Variants in CSMD1 observed in about 807,000 individuals in gnomAD.
CSMD1 encodes the protein CUB and Sushi multiple domains 1, also known as CUB and sushi domain-containing protein 1.
Under a neutral mutation model 417.5 loss-of-function variants are expected in CSMD1, and 213 were observed. The ratio of observed to expected loss-of-function variants is 0.51; its 90% CI spans 0.46 to 0.57. CSMD1 has a LOEUF of 0.57. Among genes scored for constraint, CSMD1 ranks in the 20% least tolerant of loss-of-function variants. CSMD1 has a pLI of 0.00. For synonymous variants in CSMD1, 2,862 were observed against 1,736.8 expected (o/e 1.65, Z -16.11); for missense variants, 6,923 against 4,529.7 (o/e 1.53, Z -15.17).
At chr8:3,789,167 C>A (rs536584802) in intron 5 of CSMD1, among the ~76,000 whole-genome samples, 1 of 152,212 alleles carries the variant, frequency 6.6e-6, no homozygotes, top group South Asian at 2.1e-4. Flanking sequence ...CTTCCTTGAC[C>A]TTTCCACTAT....
intron 5 of CSMD1, among the ~76,000 whole-genome samples, chr8:3,837,914 G>A (rs904626789): frequency 6.6e-6 from 1 of 151,996 alleles, no homozygotes; most frequent in Admixed American, 6.6e-5. Flanking sequence ...ATGCACAGAT[G>A]AATATACTGT....
intron 2 of CSMD1, among the ~76,000 whole-genome samples, chr8:4,516,254 C>G (rs1305106904): frequency 1.3e-5 from 2 of 152,124 alleles, no homozygotes; most frequent in African/African-American, 4.8e-5. Context: ...GGGCCTTCTG[C>G]AAGCCAAGGA....
At chr8:3,010,758 T>A (rs947625923) in intron 52 of CSMD1, among the ~76,000 whole-genome samples, 4 of 152,098 alleles carry the variant, frequency 2.6e-5, no homozygotes, top group African/African-American at 9.7e-5. Flanking sequence ...TTTTTTTTTT[T>A]TTTGAGATGA....
At chr8:3,826,943 T>A (rs1384776815) in intron 5 of CSMD1, among the ~76,000 whole-genome samples, 1 of 152,088 alleles carries the variant, frequency 6.6e-6, no homozygotes, top group Non-Finnish European at 1.5e-5. Flanking sequence ...TGTGCCTAGC[T>A]ATTTTTTTAA....
At chr8:3,153,213 C>A (rs544985094) in intron 39 of CSMD1, among the ~76,000 whole-genome samples, 22 of 152,278 alleles carry the variant, frequency 1.4e-4, no homozygotes, top group Non-Finnish European at 2.2e-4. Context: ...AGCACCAAGA[C>A]AGTTTACAAA....
chr8:4,323,852 T>C (rs953603817), intron 3 of CSMD1, among the ~76,000 whole-genome samples: 1 of 152,002 alleles, frequency 6.6e-6, no homozygotes, highest in Non-Finnish European at 1.5e-5. Context: ...GTACTGAGAG[T>C]TTAGCTTAAG....
At chr8:4,448,115 T>G (rs1489565333) in intron 2 of CSMD1, among the ~76,000 whole-genome samples, 1 of 152,216 alleles carries the variant, frequency 6.6e-6, no homozygotes, top group Non-Finnish European at 1.5e-5. Context: ...CTTGATCTCT[T>G]CCTAGTTCTC....
intron 3 of CSMD1, among the ~76,000 whole-genome samples, chr8:4,327,982 A>C (rs567751631): frequency 5.3e-5 from 8 of 152,304 alleles, no homozygotes; most frequent in African/African-American, 1.4e-4. Flanking sequence ...TTGTTTTAAC[A>C]TTTACCAGTA....
At chr8:3,145,075 G>A (rs952395847) in intron 40 of CSMD1, among the ~76,000 whole-genome samples, 1 of 148,798 alleles carries the variant, frequency 6.7e-6, no homozygotes, top group African/African-American at 2.5e-5. Context: ...ATGCATTTGT[G>A]TGTCTGTGTG....
At chr8:4,699,086 A>G (rs1807333439) in intron 1 of CSMD1, among the ~76,000 whole-genome samples, 1 of 152,214 alleles carries the variant, frequency 6.6e-6, no homozygotes, top group Admixed American at 6.5e-5. Context: ...ATGTCCTGCT[A>G]GAGTTTGAGG....
In CSMD1 at chr8:4,137,648, C is replaced by T. The variant is rs533621736; in HGVS notation, c.416-105549G>A. Among the ~76,000 whole-genome samples, 30 of 130,968 alleles carry T rather than the reference C, an allele frequency of 2.3e-4. 7 individuals carry two copies. The highest frequency in any genetic ancestry group is 4.3e-4 in the Non-Finnish European group (24 of 56,336). The allele number at this position is 130,968 out of a possible 152,430, so 85.9% of individuals were successfully genotyped here. On this transcript the variant is annotated intron_variant, in intron 3 of 69. Coordinates refer to ENST00000635120, the MANE Select transcript of CSMD1 (RefSeq NM_033225.6). Reference sequence around the variant, plus strand: ...TTGATCACATTTTTATAAGCAGTTTCAATATAAATTCATACTGAAAGTAAC... The same window carrying T: ...TTGATCACATTTTTATAAGCAGTTTTAATATAAATTCATACTGAAAGTAAC...
intron 5 of CSMD1, among the ~76,000 whole-genome samples, chr8:3,875,642 G>A (rs1240286604): frequency 5.9e-5 from 9 of 152,156 alleles, no homozygotes; most frequent in Admixed American, 5.9e-4. Flanking sequence ...ACAGCCTCCG[G>A]AGCATGGAAG....
chr8:2,999,727 A>C (rs181947786), intron 53 of CSMD1, among the ~76,000 whole-genome samples: 1,644 of 151,960 alleles, frequency 0.011, 14 homozygotes, highest in Non-Finnish European at 0.018. Flanking sequence ...TAAGCAAATT[A>C]AATGTGGAGT....
intron 5 of CSMD1, among the ~76,000 whole-genome samples, chr8:3,836,400 C>T (rs1295001501): frequency 6.6e-6 from 1 of 151,962 alleles, no homozygotes; most frequent in Non-Finnish European, 1.5e-5. Context: ...AAGATGTTTT[C>T]TTAGGTGATG....
chr8:4,171,028 C>T (rs1420918748), intron 3 of CSMD1, among the ~76,000 whole-genome samples: 1 of 151,880 alleles, frequency 6.6e-6, no homozygotes, highest in Non-Finnish European at 1.5e-5. Flanking sequence ...CTTCCATATG[C>T]AGAATGCACC....
At chr8:4,412,988 A>T (rs1796731209) in intron 3 of CSMD1, among the ~76,000 whole-genome samples, 1 of 152,214 alleles carries the variant, frequency 6.6e-6, no homozygotes, top group South Asian at 2.1e-4. Flanking sequence ...TTATCTTTTC[A>T]GTAGTTATGA....
intron 2 of CSMD1, among the ~76,000 whole-genome samples, chr8:4,570,743 G>A (rs1037309865): frequency 6.6e-6 from 1 of 152,152 alleles, no homozygotes; most frequent in African/African-American, 2.4e-5. Context: ...TGCACCTCTT[G>A]TAGAATTCGG....
At chr8:2,992,369 C>T (rs893237121) in intron 54 of CSMD1, among the ~76,000 whole-genome samples, 1 of 151,810 alleles carries the variant, frequency 6.6e-6, no homozygotes, top group African/African-American at 2.4e-5. Context: ...CGAAAGCGCC[C>T]CTGAACTGCA....
chr8:4,726,720 G>C (rs1354257778), intron 1 of CSMD1, among the ~76,000 whole-genome samples: 1 of 152,048 alleles, frequency 6.6e-6, no homozygotes, highest in Non-Finnish European at 1.5e-5. Context: ...TCTCCTTCTG[G>C]AACTTTCACT....
Sources: gnomAD v4.1 joint callset for allele counts (sites outside exome capture counted in the v4.1 genomes callset) on GRCh38, gnomAD v4.1.1 for gene constraint, MANE v1.5 for transcripts, NCBI Gene and HGNC (gene_info 2026-07-23, HGNC 2026-07-21) for gene names.